Variants in NR6A1 observed in about 807,000 individuals in gnomAD.
NR6A1 encodes nuclear receptor subfamily 6 group A member 1.
NR6A1 carries 7 observed loss-of-function variants against 59.1 expected under a neutral mutation model. The observed-to-expected ratio is 0.12, with a 90% confidence interval of 0.07 to 0.22. The LOEUF is 0.22. NR6A1 is among the 10% of genes least tolerant of loss of function. The pLI is 1.00. For synonymous variants in NR6A1, 243 were observed against 236.1 expected (o/e 1.03, Z -0.27); for missense variants, 468 against 611.6 (o/e 0.77, Z 2.48).
intron 1 of NR6A1, among the ~76,000 whole-genome samples, chr9:124,746,709 G>GCACAACATAA (rs1290019719): frequency 6.6e-6 from 1 of 152,070 alleles, no homozygotes; most frequent in Non-Finnish European, 1.5e-5. Context: ...AAATACAAAA[G>GCACAACATAA]ATACTCTACA....
intron 1 of NR6A1, among the ~76,000 whole-genome samples, chr9:124,754,758 T>C (rs1003719096): frequency 1.3e-5 from 2 of 152,192 alleles, no homozygotes; most frequent in African/African-American, 4.8e-5. Flanking sequence ...GGTAAACTGG[T>C]CTGCTGTACC....
At position 124,683,617 on chromosome 9, in the gene NR6A1, A is replaced by C. The variant is rs1275945017; in HGVS notation, c.142+49691T>G. 2.0e-5 allele frequency among the ~76,000 whole-genome samples: 3 copies of C among 152,148 alleles called. No homozygotes were observed. In the East Asian group the frequency reaches 5.8e-4, roughly 29 times the overall value. The stretch of plus-strand genomic sequence containing the variant: ...AAGACCAGCCTGGTCAACATGGTGA[A>C]ATCCCATCTCTACTAAAGATACAAA... On this transcript the variant is annotated intron_variant, in intron 2 of 9. Transcript: ENST00000487099.
intron 2 of NR6A1, among the ~76,000 whole-genome samples, chr9:124,712,636 G>GT (rs200818690): frequency 0.011 from 1,722 of 151,738 alleles, 28 homozygotes; most frequent in Non-Finnish European, 0.014. Context: ...TTTGAAGGCA[G>GT]TATGGCACCA....
intron 3 of NR6A1, 21 bp from the exon 4 acceptor site, chr9:124,543,878 A>C (rs1223760369): frequency 6.2e-7 from 1 of 1,611,974 alleles, no homozygotes; most frequent in Admixed American, 1.7e-5. Flanking sequence ...AGATAAGTCA[A>C]GAAAGGCAGT....
intron 1 of NR6A1, among the ~76,000 whole-genome samples, chr9:124,756,831 G>A (rs1456914599): frequency 6.6e-6 from 1 of 152,030 alleles, no homozygotes; most frequent in Non-Finnish European, 1.5e-5. Flanking sequence ...GAGATTTTTA[G>A]AGGCAACCAG....
intron 2 of NR6A1, among the ~76,000 whole-genome samples, chr9:124,665,795 G>A (rs1053739899): frequency 6.6e-6 from 1 of 152,180 alleles, no homozygotes; most frequent in Admixed American, 6.5e-5. Flanking sequence ...AACAGAATGA[G>A]AGACCAGAGT....
At chr9:124,612,323 T>C (rs981537617) in intron 2 of NR6A1, among the ~76,000 whole-genome samples, 15 of 152,162 alleles carry the variant, frequency 9.9e-5, no homozygotes, top group East Asian at 7.7e-4. Context: ...AGACCCTCCA[T>C]AGAACTGACC....
intron 2 of NR6A1, among the ~76,000 whole-genome samples, chr9:124,719,345 G>A (rs900288047): frequency 6.6e-6 from 1 of 152,158 alleles, no homozygotes; most frequent in Non-Finnish European, 1.5e-5. Flanking sequence ...GTGCTGGGAT[G>A]ACAGGAGTGA....
At chr9:124,582,924 T>C (rs569640523) in intron 2 of NR6A1, among the ~76,000 whole-genome samples, 11 of 152,162 alleles carry the variant, frequency 7.2e-5, no homozygotes, top group African/African-American at 2.7e-4. Context: ...GTGGAGGTGG[T>C]TACAGAGATT....
At chr9:124,627,746 A>T (rs998639347) in intron 2 of NR6A1, among the ~76,000 whole-genome samples, 3 of 151,754 alleles carry the variant, frequency 2.0e-5, no homozygotes, top group Non-Finnish European at 2.9e-5. Flanking sequence ...TAATTTTCAA[A>T]TTTTTTTGTA....
intron 2 of NR6A1, among the ~76,000 whole-genome samples, chr9:124,566,574 G>C (rs1834247028): frequency 6.6e-6 from 1 of 152,152 alleles, no homozygotes. Flanking sequence ...AAACTGATTT[G>C]GAATAGACTG....
chr9:124,633,322 G>A (rs947961751), intron 2 of NR6A1, among the ~76,000 whole-genome samples: 1 of 148,028 alleles, frequency 6.8e-6, no homozygotes. Flanking sequence ...AGAATGGCGT[G>A]AACCCGGGAG....
intron 2 of NR6A1, among the ~76,000 whole-genome samples, chr9:124,630,374 G>A (rs955111839): frequency 1.3e-5 from 2 of 151,200 alleles, no homozygotes; most frequent in East Asian, 3.9e-4. Context: ...AGTAGCAGGC[G>A]CATGACACCA....
intron 2 of NR6A1, among the ~76,000 whole-genome samples, chr9:124,555,775 A>T (rs1287445880): frequency 6.6e-6 from 1 of 152,196 alleles, no homozygotes; most frequent in Non-Finnish European, 1.5e-5. Flanking sequence ...TCATCTGTTA[A>T]ATGGTGATTA....
chr9:124,626,815 T>A (rs1187267962), intron 2 of NR6A1, among the ~76,000 whole-genome samples: 1 of 152,076 alleles, frequency 6.6e-6, no homozygotes, highest in Non-Finnish European at 1.5e-5. Context: ...ACGCCTGTAA[T>A]CCCAGCTACT....
chr9:124,522,889 G>C (rs1336112363), intron 9 of NR6A1, 96 bp from the exon 10 acceptor site: 1 of 903,938 alleles, frequency 1.1e-6, no homozygotes, highest in Non-Finnish European at 1.7e-6. Context: ...GTATCACCTT[G>C]CTGAGTGACT....
chr9:124,666,792 C>G (rs1837634080), intron 2 of NR6A1, among the ~76,000 whole-genome samples: 2 of 152,128 alleles, frequency 1.3e-5, no homozygotes, highest in African/African-American at 4.8e-5. Context: ...AGGTGTTGTA[C>G]TCGGGCACTA....
chr9:124,669,552 TG>T (rs1340099726), intron 2 of NR6A1, among the ~76,000 whole-genome samples: 4 of 152,198 alleles, frequency 2.6e-5, no homozygotes, highest in African/African-American at 9.7e-5. Flanking sequence ...TCTCAGACTG[TG>T]GCTAGAAAAA....
intron 2 of NR6A1, among the ~76,000 whole-genome samples, chr9:124,597,294 C>T (rs1040433953): frequency 1.6e-5 from 2 of 125,212 alleles, no homozygotes; most frequent in African/African-American, 5.9e-5. Context: ...CCACCCCAAC[C>T]CCATAGATTA....
Sources: allele counts gnomAD v4.1 joint callset (sites outside exome capture counted in the v4.1 genomes callset), GRCh38; gene constraint gnomAD v4.1.1; transcripts MANE v1.5; gene names NCBI Gene and HGNC (gene_info 2026-07-23, HGNC 2026-07-21).